SORCS2: variants seen among roughly 807,000 people sequenced by gnomAD.
SORCS2 encodes the protein VPS10 domain-containing receptor SorCS2.
Under a neutral mutation model 141.6 loss-of-function variants are expected in SORCS2, and 100 were observed. The observed-to-expected ratio is 0.71, with a 90% CI of 0.60 to 0.83. SORCS2 has a LOEUF of 0.83. Among genes scored for constraint, SORCS2 ranks in the 40% least tolerant of loss-of-function variants. The pLI is 0.00. For missense variants in SORCS2, 1,646 were observed against 1,560.2 expected (o/e 1.05, Z -0.93); for synonymous variants, 789 against 676.9 (o/e 1.17, Z -2.57).
chr4:7,460,933 C>T (rs545908705), intron 2 of SORCS2, among the ~76,000 whole-genome samples: 3 of 151,716 alleles, frequency 2.0e-5, no homozygotes, highest in African/African-American at 7.3e-5. Context: ...TCAACACAGG[C>T]ACCCGGTTTC....
chr4:7,558,888 C>G lies in SORCS2; in HGVS notation c.648+27259C>G, dbSNP rs558457945. Among the ~76,000 whole-genome samples the G allele has an allele frequency of 8.0e-4, 122 of 152,352 alleles. 1 individual carries two copies. Among genetic ancestry groups the G allele is most frequent in the African/African-American group, 2.9e-3 (120 of 41,588 alleles). On this transcript the variant is annotated intron_variant, in intron 3 of 26. Coordinates refer to ENST00000507866, the MANE Select transcript of SORCS2 (RefSeq NM_020777.3). ...GCCCATAGAGCTGTGGCTCACCTTC[C>G]CAGGCCCCCACATGGCTAACCTCCG...
At chr4:7,383,845 T>C (rs1157176783) in intron 1 of SORCS2, among the ~76,000 whole-genome samples, 2 of 152,088 alleles carry the variant, frequency 1.3e-5, no homozygotes, top group Non-Finnish European at 2.9e-5. Flanking sequence ...TTATGAGAAA[T>C]GGAGAGTAAA....
intron 1 of SORCS2, among the ~76,000 whole-genome samples, chr4:7,304,320 T>G (rs1193884462): frequency 2.0e-5 from 3 of 152,084 alleles, no homozygotes; most frequent in Admixed American, 2.0e-4. Context: ...CGGGGGCAGG[T>G]GATGGTTGGT....
chr4:7,211,166 C>T (rs1184097246), intron 1 of SORCS2, among the ~76,000 whole-genome samples: 1 of 150,924 alleles, frequency 6.6e-6, no homozygotes, highest in African/African-American at 2.4e-5. Flanking sequence ...TTAAACCTTC[C>T]TGCCTGGAGA....
At chr4:7,494,458 T>TCCAAGATCAAG (rs1458667674) in intron 2 of SORCS2, among the ~76,000 whole-genome samples, 135 of 152,330 alleles carry the variant, frequency 8.9e-4, no homozygotes, top group African/African-American at 3.0e-3. Context: ...CAGGTTCTGG[T>TCCAAGATCAAG]GTGGGCCTCT....
intron 2 of SORCS2, among the ~76,000 whole-genome samples, chr4:7,415,753 T>C (rs2109169397): frequency 6.6e-6 from 1 of 152,360 alleles, no homozygotes; most frequent in South Asian, 2.1e-4. Flanking sequence ...ATGTGAAGAA[T>C]CGTTTCTCGA....
intron 1 of SORCS2, among the ~76,000 whole-genome samples, chr4:7,264,314 C>A (rs1197996391): frequency 1.3e-5 from 2 of 152,250 alleles, no homozygotes; most frequent in Admixed American, 1.3e-4. Flanking sequence ...CACCTGGGTG[C>A]CTGTCTGTGC....
At chr4:7,258,948 C>A (rs906701936) in intron 1 of SORCS2, among the ~76,000 whole-genome samples, 3 of 152,058 alleles carry the variant, frequency 2.0e-5, no homozygotes, top group Non-Finnish European at 4.4e-5. Context: ...CTGTTCATAT[C>A]CTTCTCCCAC....
chr4:7,547,612 T>A (rs549307135), intron 3 of SORCS2, among the ~76,000 whole-genome samples: 1 of 152,302 alleles, frequency 6.6e-6, no homozygotes, highest in Admixed American at 6.5e-5. Flanking sequence ...CAATTCCTGT[T>A]TACCCTGCAG....
chr4:7,508,064 G>A (rs889125298), intron 2 of SORCS2, among the ~76,000 whole-genome samples: 13 of 152,078 alleles, frequency 8.5e-5, no homozygotes, highest in African/African-American at 2.4e-4. Flanking sequence ...TGTCCGTGTC[G>A]CGTGTCTGCG....
chr4:7,481,426 T>C (rs1486925293), intron 2 of SORCS2, among the ~76,000 whole-genome samples: 1 of 152,126 alleles, frequency 6.6e-6, no homozygotes, highest in East Asian at 1.9e-4. Context: ...CGGTGGCCTC[T>C]AGGCGGAGGT....
chr4:7,314,807 T>G (rs1718449095), intron 1 of SORCS2, among the ~76,000 whole-genome samples: 12 of 76,836 alleles, frequency 1.6e-4, no homozygotes, highest in Non-Finnish European at 2.9e-5. Flanking sequence ...TCTGTTTTTT[T>G]TTTTTTTTTT....
chr4:7,399,431 GA>G (rs1724428746), intron 2 of SORCS2, among the ~76,000 whole-genome samples: 1 of 152,198 alleles, frequency 6.6e-6, no homozygotes, highest in Non-Finnish European at 1.5e-5. Context: ...TTTTCATTCT[GA>G]AAGTGGCTCG....
intron 12 of SORCS2, among the ~76,000 whole-genome samples, chr4:7,698,750 C>T (rs569750824): frequency 5.9e-5 from 9 of 152,322 alleles, no homozygotes; most frequent in Non-Finnish European, 7.3e-5. Flanking sequence ...CGAAAGATGG[C>T]GCAGTGCAGG....
At chr4:7,357,912 G>A (rs1319335458) in intron 1 of SORCS2, among the ~76,000 whole-genome samples, 1 of 152,206 alleles carries the variant, frequency 6.6e-6, no homozygotes, top group Non-Finnish European at 1.5e-5. Context: ...CGGTTCAAAT[G>A]AAAAGGAGCA....
At chr4:7,303,968 T>C (rs1052493212) in intron 1 of SORCS2, among the ~76,000 whole-genome samples, 7 of 152,252 alleles carry the variant, frequency 4.6e-5, no homozygotes, top group Non-Finnish European at 7.3e-5. Context: ...ACATGTGTGA[T>C]TTTGTGGGAT....
intron 2 of SORCS2, among the ~76,000 whole-genome samples, chr4:7,511,382 A>AAC (rs1371214827): frequency 6.9e-6 from 1 of 144,870 alleles, no homozygotes; most frequent in Non-Finnish European, 1.5e-5. Context: ...GTACACACAA[A>AAC]AAGCCAGAGA....
At chr4:7,543,841 C>T (rs1475848938) in intron 3 of SORCS2, among the ~76,000 whole-genome samples, 47 of 109,022 alleles carry the variant, frequency 4.3e-4, no homozygotes, top group Non-Finnish European at 7.4e-4. Context: ...TCCATCCATC[C>T]ACTCATCCGT....
chr4:7,438,963 GT>G lies in SORCS2; in HGVS notation c.548+42609del, dbSNP rs1727478275. On this transcript the variant is annotated intron_variant, in intron 2 of 26. Coordinates refer to ENST00000507866, the MANE Select transcript of SORCS2 (RefSeq NM_020777.3). The stretch of plus-strand genomic sequence containing the variant: ...TCAGGCATCCTTCTTTGGCACTTCT[GT>G]ACTTTCCAGCACAGGGCATGTTCCA... Among the ~76,000 whole-genome samples, 6 of 152,198 alleles carry G rather than the reference GT, an allele frequency of 3.9e-5. No individual in the cohort carries two copies. In the South Asian group the frequency reaches 1.2e-3, roughly 32 times the overall value.
Sources: gnomAD v4.1 joint callset for allele counts (sites outside exome capture counted in the v4.1 genomes callset) on GRCh38, gnomAD v4.1.1 for gene constraint, MANE v1.5 for transcripts, NCBI Gene and HGNC (gene_info 2026-07-23, HGNC 2026-07-21) for gene names.